Variants in ANO4 observed in about 807,000 individuals in gnomAD.
ANO4 encodes the protein anoctamin 4, also known as anoctamin-4.
In ANO4, 69 loss-of-function variants were observed where a neutral mutation model predicts 141.9. The ratio of observed to expected loss-of-function variants is 0.49; its 90% CI spans 0.40 to 0.59. The LOEUF (loss-of-function observed/expected upper bound fraction) is 0.59, where lower values mean the gene tolerates loss of function less well. Ranked by LOEUF, ANO4 falls within the 20% of genes least tolerant of loss-of-function variation. ANO4 has a pLI of 0.00. For missense variants in ANO4, 894 were observed against 1,162.2 expected (o/e 0.77, Z 3.36); for synonymous variants, 350 against 394.3 (o/e 0.89, Z 1.33).
At chr12:100,730,923 G>C (rs2031356091) in intron 1 of ANO4, among the ~76,000 whole-genome samples, 1 of 152,140 alleles carries the variant, frequency 6.6e-6, no homozygotes, top group East Asian at 1.9e-4. Context: ...CCTCTGGCTT[G>C]CCACCTGCTT....
chr12:101,121,597 C>A (rs906007455), intron 26 of ANO4, among the ~76,000 whole-genome samples: 1 of 151,874 alleles, frequency 6.6e-6, no homozygotes, highest in African/African-American at 2.4e-5. Context: ...GAGTATATAC[C>A]CAGAAATGGG....
chr12:100,788,873 A>T (rs1017643997), intron 3 of ANO4, among the ~76,000 whole-genome samples: 2 of 152,152 alleles, frequency 1.3e-5, no homozygotes, highest in African/African-American at 4.8e-5. Context: ...TGAGAAAAAA[A>T]AAAAGAGTAA....
chr12:100,796,890 A>G (rs969914304), intron 1 of ANO4, among the ~76,000 whole-genome samples: 3 of 152,136 alleles, frequency 2.0e-5, no homozygotes, highest in Admixed American at 2.0e-4. Flanking sequence ...TGGTAACTCA[A>G]CTGAGGATAC....
chr12:100,868,859 A>G (rs2038892104), intron 1 of ANO4, among the ~76,000 whole-genome samples: 3 of 152,232 alleles, frequency 2.0e-5, no homozygotes, highest in South Asian at 4.1e-4. Flanking sequence ...TTCAACAGGT[A>G]TTCTTGCCAA....
chr12:100,755,916 G>A, intron 3 of ANO4, among the ~76,000 whole-genome samples: 1 of 152,144 alleles, frequency 6.6e-6, no homozygotes, highest in Non-Finnish European at 1.5e-5. Context: ...CCACTGTTTT[G>A]TTAGAGGATC....
chr12:101,058,454 G>A (rs2048217559), intron 14 of ANO4, among the ~76,000 whole-genome samples: 1 of 152,172 alleles, frequency 6.6e-6, no homozygotes, highest in Non-Finnish European at 1.5e-5. Flanking sequence ...ACTTGGGGAA[G>A]TATGGCCATT....
In ANO4 at chr12:101,084,688, C is replaced by T. The variant is rs190843167; in HGVS notation, c.1536+870C>T. Among the ~76,000 whole-genome samples, 1,165 of 152,302 alleles carry T rather than the reference C, an allele frequency of 7.6e-3. 13 individuals carry two copies. The highest frequency in any genetic ancestry group is 0.01 in the Non-Finnish European group (706 of 68,016). ...GCTCAGACCAAGATTCAAATCCATG[C>T]CTGTCTACAGATACTGCTTTTAAGC... On this transcript the variant is annotated intron_variant, in intron 16 of 27. Coordinates refer to ENST00000392977, the MANE Select transcript of ANO4 (RefSeq NM_001286615.2).
chr12:100,802,881 T>C (rs561623544), intron 1 of ANO4, among the ~76,000 whole-genome samples: 2 of 152,348 alleles, frequency 1.3e-5, no homozygotes, highest in South Asian at 4.1e-4. Context: ...GTTATTTTCT[T>C]CTCTCCACTC....
At chr12:100,769,179 A>G (rs1204206154) in intron 3 of ANO4, among the ~76,000 whole-genome samples, 1 of 152,244 alleles carries the variant, frequency 6.6e-6, no homozygotes, top group Non-Finnish European at 1.5e-5. Context: ...GATTATATTC[A>G]TTTAATTACA....
chr12:101,045,790 A>C (rs554791860), intron 13 of ANO4, among the ~76,000 whole-genome samples: 1 of 152,336 alleles, frequency 6.6e-6, no homozygotes, highest in South Asian at 2.1e-4. Context: ...CCACATGATC[A>C]TTCTGTAGAC....
At chr12:101,048,314 C>T in intron 13 of ANO4, 27 bp from the exon 14 acceptor site, 1 of 1,608,606 alleles carries the variant, frequency 6.2e-7, no homozygotes, top group Non-Finnish European at 8.5e-7. Context: ...GAGAAATTAA[C>T]TCAGCACCGA....
intron 9 of ANO4, among the ~76,000 whole-genome samples, chr12:101,020,779 G>A (rs1436126254): frequency 6.6e-6 from 1 of 152,156 alleles, no homozygotes; most frequent in Non-Finnish European, 1.5e-5. Flanking sequence ...ATGAGAATGT[G>A]TCCATATTAT....
chr12:100,866,322 C>G (rs1437956978), intron 1 of ANO4, among the ~76,000 whole-genome samples: 1 of 152,134 alleles, frequency 6.6e-6, no homozygotes, highest in Non-Finnish European at 1.5e-5. Context: ...GGCATAGCAC[C>G]TGCAGTTCTT....
intron 13 of ANO4, chr12:101,048,054 T>C: frequency 8.4e-7 from 1 of 1,188,184 alleles, no homozygotes. Context: ...AAGAGTTTTG[T>C]TGTGCACAAA....
intron 1 of ANO4, among the ~76,000 whole-genome samples, chr12:100,795,750 G>C (rs1473982470): frequency 6.6e-6 from 1 of 152,156 alleles, no homozygotes; most frequent in Non-Finnish European, 1.5e-5. Context: ...ACATAGTTTT[G>C]TCCTCCTGCT....
At chr12:101,113,063 A>G (rs1160310876) in intron 24 of ANO4, among the ~76,000 whole-genome samples, 3 of 152,136 alleles carry the variant, frequency 2.0e-5, no homozygotes. Flanking sequence ...TGGGATGTGC[A>G]TTATAATCTT....
At chr12:100,966,904 CAT>C (rs1555264077) in intron 5 of ANO4, among the ~76,000 whole-genome samples, 2 of 150,810 alleles carry the variant, frequency 1.3e-5, no homozygotes, top group Admixed American at 6.6e-5. Context: ...CACACACACA[CAT>C]ACATATATAT....
At chr12:101,033,888 AG>A (rs2047087544) in intron 9 of ANO4, among the ~76,000 whole-genome samples, 1 of 152,212 alleles carries the variant, frequency 6.6e-6, no homozygotes, top group Non-Finnish European at 1.5e-5. Flanking sequence ...ATATGAAGAA[AG>A]CTCAACATCA....
At chr12:100,862,217 A>C (rs118060046) in intron 1 of ANO4, among the ~76,000 whole-genome samples, 7,226 of 152,300 alleles carry the variant, frequency 0.047, 233 homozygotes, top group Middle Eastern at 0.095. Flanking sequence ...GGCATGTGCC[A>C]CTGCACCCAG....
Sources: allele counts gnomAD v4.1 joint callset (sites outside exome capture counted in the v4.1 genomes callset), GRCh38; gene constraint gnomAD v4.1.1; transcripts MANE v1.5; gene names NCBI Gene and HGNC (gene_info 2026-07-23, HGNC 2026-07-21).